TBCK: variants seen among roughly 807,000 people sequenced by gnomAD.
The protein encoded by TBCK is TBC1 domain containing kinase.
Under a neutral mutation model 113.4 loss-of-function variants are expected in TBCK, and 99 were observed. The ratio of observed to expected loss-of-function variants is 0.87; its 90% confidence interval spans 0.74 to 1.03. The LOEUF (loss-of-function observed/expected upper bound fraction) is 1.03, where lower values mean the gene tolerates loss of function less well. Ranked by LOEUF, TBCK falls within the 50% of genes least tolerant of loss-of-function variation. The pLI is 0.00. For synonymous variants in TBCK, 369 were observed against 370.8 expected (o/e 1.00, Z 0.05); for missense variants, 1,045 against 1,061.3 (o/e 0.98, Z 0.21).
Position 106,241,243 on chromosome 4 carries a change from A to G in TBCK, c.1170+1227T>C, listed in dbSNP as rs1179999018. On this transcript the variant is annotated intron_variant, in intron 12 of 25. Transcript: ENST00000394708. ...CAGACATTAAAAATAAAATTGTTAT[A>G]TAAAATAAGACAAATAAATGACATA... is the stretch of plus-strand genomic sequence containing the variant. Among the ~76,000 whole-genome samples the G allele has an allele frequency of 4.0e-5, 6 of 151,798 alleles. No homozygotes were observed. The East Asian group carries it at 1.2e-3, about 29-fold the overall frequency.
intron 9 of TBCK, 141 bp from the exon 10 acceptor site, chr4:106,247,428 T>C: frequency 2.9e-6 from 2 of 686,236 alleles, no homozygotes; most frequent in East Asian, 2.9e-5. Flanking sequence ...TTGCAGAGTC[T>C]AGATGCATAC....
At chr4:106,239,768 C>T (rs914833642) in intron 12 of TBCK, among the ~76,000 whole-genome samples, 22 of 151,822 alleles carry the variant, frequency 1.4e-4, no homozygotes, top group Admixed American at 8.5e-4. Context: ...GGAGCCCTTA[C>T]AATATGGTTT....
intron 17 of TBCK, 89 bp from the exon 18 acceptor site, chr4:106,231,868 C>T (rs1374958800): frequency 3.5e-6 from 4 of 1,136,518 alleles, no homozygotes; most frequent in Non-Finnish European, 1.3e-6. Context: ...TTTGCATTAC[C>T]TCCAAGTAGA....
intron 19 of TBCK, among the ~76,000 whole-genome samples, chr4:106,220,349 C>T (rs1279234929): frequency 6.6e-6 from 1 of 152,186 alleles, no homozygotes; most frequent in Non-Finnish European, 1.5e-5. Flanking sequence ...CCTTTTGCCT[C>T]CTGCCATCAT....
At chr4:106,095,425 T>G in intron 25 of TBCK, 57 bp downstream of exon 25, 1 of 1,479,024 alleles carries the variant, frequency 6.8e-7, no homozygotes. Flanking sequence ...AACCTTCATA[T>G]AGAAGGCAGG....
At chr4:106,092,021 G>A (rs1042567437) in intron 25 of TBCK, among the ~76,000 whole-genome samples, 1 of 152,188 alleles carries the variant, frequency 6.6e-6, no homozygotes, top group African/African-American at 2.4e-5. Flanking sequence ...GCTGATTGGT[G>A]TATTTACAAA....
chr4:106,202,368 G>A (rs1038926729), intron 20 of TBCK, among the ~76,000 whole-genome samples: 1 of 151,924 alleles, frequency 6.6e-6, no homozygotes, highest in Admixed American at 6.6e-5. Flanking sequence ...GGATAGCACA[G>A]TACTAAAATA....
chr4:106,079,911 G>C (rs1738658638), intron 25 of TBCK, among the ~76,000 whole-genome samples: 1 of 152,004 alleles, frequency 6.6e-6, no homozygotes, highest in South Asian at 2.1e-4. Flanking sequence ...CAAAGAGAGA[G>C]GTGCTACACA....
chr4:106,062,187 A>G lies in TBCK; in HGVS notation c.2572-15507T>C, dbSNP rs144120412. 2.1e-3 allele frequency among the ~76,000 whole-genome samples: 320 copies of G among 152,014 alleles called. 1 individual carries two copies. Among genetic ancestry groups the G allele is most frequent in the African/African-American group, 7.3e-3 (305 of 41,532 alleles). On this transcript the variant is annotated intron_variant, in intron 25 of 25. Transcript: ENST00000394708. Reference sequence around the variant, plus strand: ...AGATTAGTGATTAATAATAGTTTCTACTTTTAAACAAGTCCTTCCAGAAAT... The same window carrying G: ...AGATTAGTGATTAATAATAGTTTCTGCTTTTAAACAAGTCCTTCCAGAAAT...
chr4:106,199,803 T>A (rs1385140330), intron 20 of TBCK, among the ~76,000 whole-genome samples: 12 of 152,212 alleles, frequency 7.9e-5, no homozygotes, highest in Admixed American at 5.9e-4. Flanking sequence ...ACTGCTAATA[T>A]CTTGATTCGA....
chr4:106,239,577 C>G (rs961847542), intron 12 of TBCK, among the ~76,000 whole-genome samples: 35 of 151,850 alleles, frequency 2.3e-4, no homozygotes, highest in African/African-American at 8.0e-4. Context: ...GACATTTTAG[C>G]AGAGAATGTA....
intron 24 of TBCK, among the ~76,000 whole-genome samples, chr4:106,110,695 C>T (rs749802097): frequency 8.6e-5 from 13 of 152,036 alleles, no homozygotes; most frequent in South Asian, 2.1e-4. Flanking sequence ...ACATCTTTAA[C>T]GTTATGGGCT....
At chr4:106,240,733 TAAACTC>T (rs1228053702) in intron 12 of TBCK, among the ~76,000 whole-genome samples, 4 of 152,034 alleles carry the variant, frequency 2.6e-5, no homozygotes, top group African/African-American at 9.7e-5. Flanking sequence ...AAACAAATCT[TAAACTC>T]TAATGTGTAA....
chr4:106,170,795 C>A (rs1750897386), intron 23 of TBCK, among the ~76,000 whole-genome samples: 1 of 151,934 alleles, frequency 6.6e-6, no homozygotes, highest in African/African-American at 2.4e-5. Context: ...TTAATTCTTT[C>A]TTTGCTTCTG....
chr4:106,263,520 T>C (rs992809607), intron 3 of TBCK, among the ~76,000 whole-genome samples: 1 of 151,880 alleles, frequency 6.6e-6, no homozygotes. Flanking sequence ...GTAGGTGGAC[T>C]ACAAAAGAGT....
intron 25 of TBCK, among the ~76,000 whole-genome samples, chr4:106,069,010 ATTTG>A (rs1737021960): frequency 6.6e-6 from 1 of 152,000 alleles, no homozygotes; most frequent in African/African-American, 2.4e-5. Context: ...TTTCTTGTAA[ATTTG>A]TTTAAGTTCT....
intron 24 of TBCK, among the ~76,000 whole-genome samples, chr4:106,107,703 C>G (rs2149545445): frequency 6.6e-6 from 1 of 152,206 alleles, no homozygotes; most frequent in African/African-American, 2.4e-5. Context: ...AAATTAACAA[C>G]CTAACTTCAC....
chr4:106,120,721 G>A (rs998887557), intron 23 of TBCK, among the ~76,000 whole-genome samples: 44 of 152,244 alleles, frequency 2.9e-4, no homozygotes, highest in Admixed American at 1.7e-3. Flanking sequence ...CACCTCACAC[G>A]GCAGGGTATT....
intron 1 of TBCK, among the ~76,000 whole-genome samples, 165 bp from the exon 2 acceptor site, chr4:106,309,154 A>G (rs1197565917): frequency 6.6e-6 from 1 of 152,180 alleles, no homozygotes; most frequent in African/African-American, 2.4e-5. Context: ...AAAACAACTC[A>G]GCATAAATTT....
Sources: allele counts gnomAD v4.1 joint callset (sites outside exome capture counted in the v4.1 genomes callset), GRCh38; gene constraint gnomAD v4.1.1; transcripts MANE v1.5; gene names NCBI Gene and HGNC (gene_info 2026-07-23, HGNC 2026-07-21).